The following PRKX variants were observed in gnomAD, a reference collection of about 807,000 sequenced individuals.
The protein encoded by PRKX is cAMP-dependent protein kinase catalytic subunit PRKX.
A neutral mutation model predicts 22.0 loss-of-function variants in PRKX; 12 were observed. The ratio of observed to expected loss-of-function variants is 0.54; its 90% CI spans 0.35 to 0.88. The LOEUF (loss-of-function observed/expected upper bound fraction) is 0.88, where lower values mean the gene tolerates loss of function less well. PRKX is among the 40% of genes least tolerant of loss of function. The pLI is 0.01. For synonymous variants in PRKX, 134 were observed against 137.7 expected, an observed-to-expected ratio of 0.97 and a Z score of 0.19; for missense variants, 217 against 308.0, an observed-to-expected ratio of 0.70 and a Z score of 2.21.
At chrX:3,688,609 T>C (rs1910530211) in intron 1 of PRKX, among the ~76,000 whole-genome samples, 1 of 110,572 alleles carries the variant, frequency 9.0e-6, no homozygotes, top group South Asian at 3.9e-4. Flanking sequence ...ATGCCTGTAA[T>C]CCCAGCACTT....
At chrX:3,675,166 C>T (rs1453091696) in intron 1 of PRKX, among the ~76,000 whole-genome samples, 1 of 111,575 alleles carries the variant, frequency 9.0e-6, no homozygotes, top group African/African-American at 3.3e-5. Context: ...ATGCCTTTTT[C>T]TCTTCAGGCT....
At position 3,608,128 on chromosome X, in the gene PRKX, C is replaced by T. The variant is rs1926220989; in HGVS notation, c.*841G>A. On this transcript the variant is annotated 3_prime_UTR_variant, in exon 9 of 9. Transcript: ENST00000262848. Reference sequence around the variant, plus strand: ...AACTCCTGGGCTCAAGCAATCCACCCACCTCAGCCTCCCAAAGTGCTGGGA... The same window carrying T: ...AACTCCTGGGCTCAAGCAATCCACCTACCTCAGCCTCCCAAAGTGCTGGGA... 1 of 110,354 alleles carries T rather than the reference C, an allele frequency of 9.1e-6. No homozygotes were observed. The highest frequency in any genetic ancestry group is 1.9e-5 in the Non-Finnish European group (1 of 52,904). 9.1% of individuals were successfully genotyped at this position (110,354 alleles called of 1,213,427 possible). A position where few individuals can be genotyped will look rare whatever the true frequency, so the allele number is the denominator to read the frequency against.
At chrX:3,689,756 T>C (rs1371491492) in intron 1 of PRKX, among the ~76,000 whole-genome samples, 1 of 111,528 alleles carries the variant, frequency 9.0e-6, no homozygotes, top group Non-Finnish European at 1.9e-5. Flanking sequence ...GGCGGGCGGA[T>C]CACAAGGTCA....
At chrX:3,644,093 T>A (rs1431292036) in intron 3 of PRKX, among the ~76,000 whole-genome samples, 1 of 109,775 alleles carries the variant, frequency 9.1e-6, no homozygotes, top group Non-Finnish European at 1.9e-5. Flanking sequence ...CTGTCGGCCA[T>A]CCATGAAATA....
chrX:3,668,867 T>C (rs938582273), intron 2 of PRKX, among the ~76,000 whole-genome samples: 1 of 112,698 alleles, frequency 8.9e-6, no homozygotes, highest in African/African-American at 3.2e-5. Flanking sequence ...GGTATTTATC[T>C]GTCTGTGCAT....
chrX:3,616,013 T>G, intron 6 of PRKX, 121 bp from the exon 7 acceptor site: 1 of 648,134 alleles, frequency 1.5e-6, no homozygotes, highest in Non-Finnish European at 2.4e-6. Flanking sequence ...GTTTGCTGCA[T>G]TTTGGAGAAC....
chrX:3,710,616 C>T (rs1235666407), intron 1 of PRKX, among the ~76,000 whole-genome samples: 1 of 111,681 alleles, frequency 9.0e-6, no homozygotes, highest in African/African-American at 3.3e-5. Flanking sequence ...ACAAGTGATC[C>T]GCCTGCCTCG....
Position 3,615,867 on chromosome X carries a change from T to C in PRKX, c.899A>G (p.His300Arg), listed in dbSNP as rs1464597003. The change falls in exon 7 of 9, where the codon CAT (histidine) becomes CGT (arginine). Residue 300 changes from histidine to arginine, a missense_variant. Coordinates refer to ENST00000262848, the MANE Select transcript of PRKX (RefSeq NM_005044.5). ...MKNGANDVKHHRWFRSVDWEA... is the reference protein window; with the variant it reads ...MKNGANDVKHRRWFRSVDWEA... ...CCAGTCCACGGAGCGGAACCACCGA[T>C]GATGCTTCACATCATTCGCCCCGTT... is the stretch of plus-strand genomic sequence containing the variant. 4.1e-6 allele frequency: 5 copies of C among 1,208,699 alleles called. No homozygotes were observed. Among genetic ancestry groups the C allele is most frequent in the Non-Finnish European group, 5.6e-6 (5 of 893,868 alleles).
chrX:3,659,711 T>TTTTTTG (rs1334587297), intron 2 of PRKX, among the ~76,000 whole-genome samples: 2 of 32,020 alleles, frequency 6.2e-5, no homozygotes, highest in Non-Finnish European at 4.9e-5. Flanking sequence ...GAGTGGTGTT[T>TTTTTTG]TTTTTGTTTT....
At chrX:3,684,601 G>T (rs1327001958) in intron 1 of PRKX, among the ~76,000 whole-genome samples, 1 of 111,055 alleles carries the variant, frequency 9.0e-6, no homozygotes, top group East Asian at 2.8e-4. Flanking sequence ...TACTTTGCTC[G>T]AACTACTGTA....
At chrX:3,622,339 T>C (rs1358255721) in intron 5 of PRKX, among the ~76,000 whole-genome samples, 1 of 110,802 alleles carries the variant, frequency 9.0e-6, no homozygotes, top group African/African-American at 3.3e-5. Flanking sequence ...TTATGTATAA[T>C]AACATACATA....
At chrX:3,637,065 GA>G (rs1926904536) in intron 4 of PRKX, among the ~76,000 whole-genome samples, 1 of 97,861 alleles carries the variant, frequency 1.0e-5, no homozygotes, top group Non-Finnish European at 2.1e-5. Context: ...AGGGAGGAAG[GA>G]GAGAGAGAGA....
chrX:3,642,218 A>G lies in PRKX; in HGVS notation c.600-247T>C, dbSNP rs185622081. On this transcript the variant is annotated intron_variant, in intron 3 of 8. Transcript: ENST00000262848. Reference sequence around the variant, plus strand: ...TATCATCCTTGCTCCTGTTGCTGGTACTGTTACCACTGTTACTCAGAAGCA... The same window carrying G: ...TATCATCCTTGCTCCTGTTGCTGGTGCTGTTACCACTGTTACTCAGAAGCA... 1.3e-3 allele frequency among the ~76,000 whole-genome samples: 142 copies of G among 110,952 alleles called. 1 individual carries two copies. The highest frequency in any genetic ancestry group is 4.5e-3 in the African/African-American group (136 of 30,506).
At chrX:3,698,868 G>A (rs1280453496) in intron 1 of PRKX, among the ~76,000 whole-genome samples, 1 of 108,278 alleles carries the variant, frequency 9.2e-6, no homozygotes, top group Non-Finnish European at 1.9e-5. Context: ...TGGGATTACA[G>A]ATGTGAGCCA....
chrX:3,647,468 A>T (rs1167426431), intron 3 of PRKX, among the ~76,000 whole-genome samples: 6 of 105,915 alleles, frequency 5.7e-5, no homozygotes, highest in Non-Finnish European at 9.6e-5. Flanking sequence ...TATAATTAGA[A>T]TATATTAGTA....
At chrX:3,688,212 G>A (rs1414937971) in intron 1 of PRKX, among the ~76,000 whole-genome samples, 18 of 108,526 alleles carry the variant, frequency 1.7e-4, no homozygotes, top group Non-Finnish European at 3.5e-4. Context: ...TTGGGAGGCC[G>A]AGGCAGGTGG....
intron 1 of PRKX, among the ~76,000 whole-genome samples, chrX:3,702,367 T>G (rs1428513823): frequency 8.8e-6 from 1 of 113,087 alleles, no homozygotes; most frequent in Non-Finnish European, 1.9e-5. Flanking sequence ...TTCACCAAGG[T>G]GAAAACATCC....
chrX:3,643,002 C>A (rs1927111963), intron 3 of PRKX, among the ~76,000 whole-genome samples: 1 of 41,314 alleles, frequency 2.4e-5, no homozygotes. Context: ...GAGACTCTCT[C>A]TCAAAAAAAA....
intron 1 of PRKX, among the ~76,000 whole-genome samples, chrX:3,678,562 G>A (rs1157941711): frequency 4.5e-5 from 5 of 112,103 alleles, no homozygotes; most frequent in Non-Finnish European, 7.5e-5. Context: ...CTCAAAACAC[G>A]TTACTTATGC....
Sources: allele counts gnomAD v4.1 joint callset (sites outside exome capture counted in the v4.1 genomes callset), GRCh38; gene constraint gnomAD v4.1.1; transcripts MANE v1.5; gene names NCBI Gene and HGNC (gene_info 2026-07-23, HGNC 2026-07-21).